THSD4: variants seen among roughly 807,000 people sequenced by gnomAD.
THSD4 encodes the protein thrombospondin type-1 domain-containing protein 4.
Under a neutral mutation model 119.0 loss-of-function variants are expected in THSD4, and 69 were observed. The observed-to-expected ratio is 0.58, with a 90% CI of 0.48 to 0.71. THSD4 has a LOEUF of 0.71. Ranked by LOEUF, THSD4 falls within the 30% of genes least tolerant of loss-of-function variation. THSD4 has a pLI of 0.00. For missense variants in THSD4, 1,393 were observed against 1,391.1 expected, an observed-to-expected ratio of 1.00 and a Z score of -0.02; for synonymous variants, 524 against 540.4, an observed-to-expected ratio of 0.97 and a Z score of 0.42.
chr15:71,688,963 C>T (rs1396902415), intron 8 of THSD4, among the ~76,000 whole-genome samples: 1 of 152,152 alleles, frequency 6.6e-6, no homozygotes, highest in Non-Finnish European at 1.5e-5. Context: ...TTCCCTGCCT[C>T]CTCTCCATCC....
At chr15:71,141,232 A>G (rs888737517) in intron 1 of THSD4, among the ~76,000 whole-genome samples, 1 of 152,254 alleles carries the variant, frequency 6.6e-6, no homozygotes, top group Non-Finnish European at 1.5e-5. Context: ...TTTACTGAAC[A>G]TCTTCTGTGG....
At chr15:71,692,772 G>A (rs1221759514) in intron 8 of THSD4, among the ~76,000 whole-genome samples, 1 of 152,206 alleles carries the variant, frequency 6.6e-6, no homozygotes, top group South Asian at 2.1e-4. Context: ...TGTGTTCCTG[G>A]TAATAAGAAG....
intron 1 of THSD4, among the ~76,000 whole-genome samples, chr15:71,118,884 C>T (rs1459090117): frequency 1.3e-5 from 2 of 152,198 alleles, no homozygotes; most frequent in African/African-American, 4.8e-5. Flanking sequence ...TGGGATCCCC[C>T]AATTTTACTC....
At chr15:71,223,671 C>T (rs944737607) in intron 4 of THSD4, among the ~76,000 whole-genome samples, 1 of 152,114 alleles carries the variant, frequency 6.6e-6, no homozygotes, top group African/African-American at 2.4e-5. Context: ...GTGAAAGAGG[C>T]GTGGTTTTCC....
chr15:71,715,000 C>T (rs890713846), intron 8 of THSD4, among the ~76,000 whole-genome samples: 1 of 152,220 alleles, frequency 6.6e-6, no homozygotes, highest in African/African-American at 2.4e-5. Flanking sequence ...TCATTAGATA[C>T]ATAACCCTTA....
At chr15:71,715,923 A>G (rs2052599051) in intron 8 of THSD4, among the ~76,000 whole-genome samples, 1 of 152,172 alleles carries the variant, frequency 6.6e-6, no homozygotes, top group Admixed American at 6.5e-5. Context: ...CACATGAATT[A>G]GATAATAGGG....
At chr15:71,467,958 C>T (rs2047523675) in intron 7 of THSD4, among the ~76,000 whole-genome samples, 2 of 151,972 alleles carry the variant, frequency 1.3e-5, no homozygotes, top group Admixed American at 1.3e-4. Context: ...AAGCAATTCT[C>T]CTGCCTCAGC....
intron 7 of THSD4, among the ~76,000 whole-genome samples, chr15:71,486,622 T>G (rs903559013): frequency 4.0e-5 from 4 of 99,996 alleles, no homozygotes; most frequent in African/African-American, 1.0e-4. Flanking sequence ...TTTTTTTTTT[T>G]TTTTTTTTTT....
chr15:71,554,658 A>C (rs926732225), intron 7 of THSD4, among the ~76,000 whole-genome samples: 1 of 151,680 alleles, frequency 6.6e-6, no homozygotes, highest in South Asian at 2.1e-4. Context: ...AGACTCCCCA[A>C]CTACTAAGAT....
intron 7 of THSD4, among the ~76,000 whole-genome samples, chr15:71,560,390 G>T (rs1348028842): frequency 6.6e-6 from 1 of 152,178 alleles, no homozygotes; most frequent in Non-Finnish European, 1.5e-5. Flanking sequence ...TCATAAAGAG[G>T]TGAGACCCAA....
chr15:71,732,679 G>T (rs2053004034), intron 10 of THSD4: 1 of 152,194 alleles, frequency 6.6e-6, no homozygotes, highest in African/African-American at 2.4e-5. Context: ...TATTTTAAGA[G>T]TAAGGAAATG....
intron 8 of THSD4, among the ~76,000 whole-genome samples, chr15:71,679,732 A>C (rs1161132479): frequency 6.6e-6 from 1 of 152,208 alleles, no homozygotes; most frequent in East Asian, 1.9e-4. Flanking sequence ...ATTAAATCTG[A>C]AGATGCTCGG....
intron 7 of THSD4, among the ~76,000 whole-genome samples, chr15:71,427,819 A>G (rs1289038949): frequency 6.6e-6 from 1 of 151,848 alleles, no homozygotes; most frequent in African/African-American, 2.4e-5. Flanking sequence ...TGGAAATTGG[A>G]TAATATAGTG....
At chr15:71,279,834 C>A (rs1005478466) in intron 6 of THSD4, among the ~76,000 whole-genome samples, 2 of 151,844 alleles carry the variant, frequency 1.3e-5, no homozygotes, top group African/African-American at 4.8e-5. Context: ...TTGATTCATG[C>A]AGTCACTTTT....
At chr15:71,535,423 T>A (rs2048676286) in intron 7 of THSD4, among the ~76,000 whole-genome samples, 1 of 152,242 alleles carries the variant, frequency 6.6e-6, no homozygotes, top group Admixed American at 6.5e-5. Flanking sequence ...GGGGTTGGGC[T>A]ATCATGAATA....
At chr15:71,325,345 C>T (rs1192143710) in intron 6 of THSD4, among the ~76,000 whole-genome samples, 1 of 152,174 alleles carries the variant, frequency 6.6e-6, no homozygotes. Context: ...TCTCTTTATT[C>T]CTCAGTTCAA....
intron 3 of THSD4, among the ~76,000 whole-genome samples, chr15:71,189,624 C>T (rs367600037): frequency 2.2e-4 from 34 of 151,556 alleles, no homozygotes; most frequent in Non-Finnish European, 3.2e-4. Flanking sequence ...GAGCCGAGAT[C>T]GCGCCACTGC....
intron 7 of THSD4, among the ~76,000 whole-genome samples, chr15:71,430,776 A>AG (rs1168762430): frequency 8.1e-5 from 12 of 148,424 alleles, no homozygotes; most frequent in African/African-American, 1.7e-4. Context: ...AAAAAAAAAA[A>AG]AAAAAAAGAG....
At chr15:71,261,365 T>C (rs182727350) in intron 6 of THSD4, among the ~76,000 whole-genome samples, 107 of 152,236 alleles carry the variant, frequency 7.0e-4, no homozygotes, top group African/African-American at 2.5e-3. Flanking sequence ...CCAGAGACTT[T>C]GGAGGGAGAG....
Sources: gnomAD v4.1 joint callset for allele counts (sites outside exome capture counted in the v4.1 genomes callset) on GRCh38, gnomAD v4.1.1 for gene constraint, MANE v1.5 for transcripts, NCBI Gene and HGNC (gene_info 2026-07-23, HGNC 2026-07-21) for gene names.